ABCG2: variants seen among roughly 807,000 people sequenced by gnomAD.
ABCG2 encodes ATP binding cassette subfamily G member 2 (JR blood group).
ABCG2 carries 80 observed loss-of-function variants against 73.5 expected under a neutral mutation model. The observed-to-expected ratio is 1.09, with a 90% CI of 0.91 to 1.31. The LOEUF (loss-of-function observed/expected upper bound fraction) is 1.31, where lower values mean the gene tolerates loss of function less well. Among genes scored for constraint, ABCG2 ranks in the 50% most tolerant of loss-of-function variants. The pLI is 0.00. For synonymous variants in ABCG2, 269 were observed against 282.4 expected, an observed-to-expected ratio of 0.95 and a Z score of 0.48; for missense variants, 796 against 786.2, an observed-to-expected ratio of 1.01 and a Z score of -0.15.
rs144332923 is a variant in ABCG2 at position 88,124,674 on chromosome 4, G to A, written c.532-2882C>T. Among the ~76,000 whole-genome samples the A allele has an allele frequency of 3.0e-3, 450 of 152,296 alleles. 2 individuals are homozygous for A. In the Middle Eastern group the frequency reaches 0.031, roughly 10 times the overall value. On this transcript the variant is annotated intron_variant, in intron 5 of 15. Coordinates refer to ENST00000237612, the MANE Select transcript of ABCG2 (RefSeq NM_004827.3). ...CAGACTCATAAAGCAAGTCCTTAGA[G>A]ACCTACAAGGAGACTTCAGACTCCC...
chr4:88,143,329 A>G (rs1320698287), intron 1 of ABCG2, among the ~76,000 whole-genome samples: 1 of 152,144 alleles, frequency 6.6e-6, no homozygotes, highest in African/African-American at 2.4e-5. Context: ...CAATTCCAAC[A>G]CTAGCAATCA....
At chr4:88,186,888 C>T (rs1007355950) in intron 1 of ABCG2, among the ~76,000 whole-genome samples, 1 of 131,842 alleles carries the variant, frequency 7.6e-6, no homozygotes, top group Non-Finnish European at 1.6e-5. Flanking sequence ...CACTGCACTC[C>T]AGCCTGGGCG....
At chr4:88,196,828 G>A (rs548819206) in intron 1 of ABCG2, among the ~76,000 whole-genome samples, 4 of 150,582 alleles carry the variant, frequency 2.7e-5, no homozygotes, top group African/African-American at 9.8e-5. Flanking sequence ...ACTGCGCAGG[G>A]AAATTTAAAC....
intron 15 of ABCG2, among the ~76,000 whole-genome samples, 176 bp downstream of exon 15, chr4:88,094,401 G>A (rs978069998): frequency 6.6e-6 from 1 of 151,776 alleles, no homozygotes; most frequent in African/African-American, 2.4e-5. Context: ...GAATACTGAG[G>A]GGTTGTGCCA....
chr4:88,150,391 C>G (rs1315118285), intron 1 of ABCG2, among the ~76,000 whole-genome samples: 1 of 151,956 alleles, frequency 6.6e-6, no homozygotes, highest in Non-Finnish European at 1.5e-5. Flanking sequence ...AAGTGCTGGT[C>G]GAAGGAACAG....
intron 1 of ABCG2, among the ~76,000 whole-genome samples, chr4:88,201,337 A>G (rs1295260226): frequency 6.6e-6 from 1 of 152,126 alleles, no homozygotes; most frequent in Non-Finnish European, 1.5e-5. Context: ...TAAAGACCCC[A>G]CAGACATTGA....
chr4:88,141,697 G>A (rs757912880), intron 1 of ABCG2, among the ~76,000 whole-genome samples: 7 of 152,136 alleles, frequency 4.6e-5, no homozygotes, highest in Non-Finnish European at 8.8e-5. Context: ...TGAATCTGCT[G>A]TGATTCTGAA....
rs1228714947 is a variant in ABCG2 at position 88,131,251 on chromosome 4, A to G, written c.379-38T>C. ...AGCATTTTAATGAGACATAATGATA[A>G]TGAGTCTTTTCTAAGACCATGACTG... On this transcript the variant is annotated intron_variant, in intron 4 of 15. Transcript: ENST00000237612. The G allele has an allele frequency of 3.1e-6, 5 of 1,600,752 alleles. No homozygotes were observed. The African/African-American group carries it at 6.7e-5, about 21-fold the overall frequency.
At chr4:88,111,139 C>T (rs1282904236) in intron 9 of ABCG2, among the ~76,000 whole-genome samples, 4 of 152,150 alleles carry the variant, frequency 2.6e-5, no homozygotes, top group Admixed American at 6.5e-5. Context: ...GCCACATAGG[C>T]GATTTGGACA....
chr4:88,118,164 T>A lies in ABCG2; in HGVS notation c.786A>T (p.Gly262=), dbSNP rs779068946. ...LFDSLTLLAS[G]RLMFHGPAQE... is the part of the protein sequence containing the mutation. The stretch of plus-strand genomic sequence containing the variant: ...GAGCAGGCCCGTGGAACATAAGTCT[T>A]CCTGAGGCCAATAAGGTGAGGCTAT... The change falls in exon 7 of 16, where the codon GGA becomes GGT. Residue 262 remains glycine (G), a synonymous_variant. Coordinates refer to ENST00000237612, the MANE Select transcript of ABCG2 (RefSeq NM_004827.3). The A allele has an allele frequency of 2.4e-5, 39 of 1,614,122 alleles. No individual in the cohort carries two copies. The highest frequency in any genetic ancestry group is 3.1e-5 in the Non-Finnish European group (36 of 1,180,006).
chr4:88,191,220 C>T (rs1728678499), intron 1 of ABCG2, among the ~76,000 whole-genome samples: 1 of 134,820 alleles, frequency 7.4e-6, no homozygotes, highest in South Asian at 2.8e-4. Context: ...TGCAGTGCTC[C>T]AAGATCGCGC....
In ABCG2 at chr4:88,095,309, C is replaced by T. The variant is rs45445496; in HGVS notation, c.1737+211G>A. On this transcript the variant is annotated intron_variant, in intron 14 of 15. Transcript: ENST00000237612. ...TTTACTAGGAGGTATCTCCCCTAGC[C>T]CTTTAAAGGATGACTGAGGAAAATA... Among the ~76,000 whole-genome samples, 546 of 152,212 alleles carry T rather than the reference C, an allele frequency of 3.6e-3. 3 individuals carry two copies. Among genetic ancestry groups the T allele is most frequent in the African/African-American group, 0.013 (527 of 41,514 alleles).
chr4:88,187,124 G>A (rs541676562), intron 1 of ABCG2, among the ~76,000 whole-genome samples: 1 of 143,996 alleles, frequency 6.9e-6, no homozygotes, highest in African/African-American at 2.6e-5. Flanking sequence ...AAAAAAAAAG[G>A]TGGTTACCAG....
intron 1 of ABCG2, among the ~76,000 whole-genome samples, chr4:88,147,762 CTGG>C (rs777554476): frequency 6.6e-6 from 1 of 152,308 alleles, no homozygotes. Context: ...AATTTAGATT[CTGG>C]TAAGATTACT....
rs561339243 is a variant in ABCG2 at position 88,181,271 on chromosome 4, G to A, written c.-19-41257C>T. Among the ~76,000 whole-genome samples, 21 of 151,740 alleles carry A rather than the reference G, an allele frequency of 1.4e-4. No homozygotes were observed. The East Asian group carries it at 1.6e-3, about 11-fold the overall frequency. ...AAAAACTAGACGAGCATGGTGGTGCGTGCCTGTAATCCTAGCTACTTGGGA... is the reference window on the plus strand; with the variant it reads ...AAAAACTAGACGAGCATGGTGGTGCATGCCTGTAATCCTAGCTACTTGGGA... On this transcript the variant is annotated intron_variant, in intron 1 of 15. Coordinates refer to the ABCG2 transcript ENST00000515655.
At chr4:88,130,693 T>C (rs569149772) in intron 5 of ABCG2, among the ~76,000 whole-genome samples, 1 of 152,070 alleles carries the variant, frequency 6.6e-6, no homozygotes, top group Non-Finnish European at 1.5e-5. Context: ...CAAAGTCCCT[T>C]GGAGGAAGAG....
At chr4:88,180,847 A>T (rs879653037) in intron 1 of ABCG2, among the ~76,000 whole-genome samples, 2 of 152,188 alleles carry the variant, frequency 1.3e-5, no homozygotes, top group Non-Finnish European at 2.9e-5. Flanking sequence ...TGGTAATAAT[A>T]AGTACACAGA....
At chr4:88,162,866 C>T (rs140115868), upstream of ABCG2, among the ~76,000 whole-genome samples, 4 of 152,298 alleles carry the variant, frequency 2.6e-5, no homozygotes, top group African/African-American at 7.2e-5. Flanking sequence ...ACCACAGGAC[C>T]TTTCTTTTAT....
intron 15 of ABCG2, 129 bp downstream of exon 15, chr4:88,094,448 G>C: frequency 4.3e-6 from 3 of 701,442 alleles, no homozygotes; most frequent in Non-Finnish European, 7.3e-6. Context: ...TCACTTTATG[G>C]ATGAGAAAAC....
Sources: gnomAD v4.1 joint callset for allele counts (sites outside exome capture counted in the v4.1 genomes callset) on GRCh38, gnomAD v4.1.1 for gene constraint, MANE v1.5 for transcripts, NCBI Gene and HGNC (gene_info 2026-07-23, HGNC 2026-07-21) for gene names.